The following LINGO2 variants were observed in gnomAD, a reference collection of about 807,000 sequenced individuals.
The protein encoded by LINGO2 is leucine-rich repeat and immunoglobulin-like domain-containing nogo receptor-interacting protein 2.
Under a neutral mutation model 30.6 loss-of-function variants are expected in LINGO2, and 14 were observed. The observed-to-expected ratio is 0.46, with a 90% CI of 0.30 to 0.72. LINGO2 has a LOEUF of 0.72. LINGO2 is among the 30% of genes least tolerant of loss of function. The pLI is 0.07. For missense variants in LINGO2, 729 were observed against 751.7 expected (o/e 0.97, Z 0.35); for synonymous variants, 317 against 288.5 (o/e 1.10, Z -1.00).
the LINGO2 span, among the ~76,000 whole-genome samples, chr9:29,095,879 G>A: frequency 7.2e-6 from 1 of 138,546 alleles, no homozygotes; most frequent in Non-Finnish European, 1.6e-5. Flanking sequence ...TAGTAACTAA[G>A]TAAGAACTGC....
chr9:28,850,427 T>C, the LINGO2 span, among the ~76,000 whole-genome samples: 3 of 151,938 alleles, frequency 2.0e-5, no homozygotes, highest in Non-Finnish European at 4.4e-5. Context: ...TATGCATTGA[T>C]TATTTGGCAA....
chr9:28,649,745 G>T (rs976762265), intron 1 of LINGO2, among the ~76,000 whole-genome samples: 2 of 151,974 alleles, frequency 1.3e-5, no homozygotes, highest in Admixed American at 1.3e-4. Flanking sequence ...TGGGAATGGG[G>T]GGAGGAGAAA....
intron 4 of LINGO2, among the ~76,000 whole-genome samples, chr9:28,281,182 G>A (rs1156552908): frequency 6.6e-6 from 1 of 152,022 alleles, no homozygotes; most frequent in African/African-American, 2.4e-5. Context: ...GACCCCTAAA[G>A]CACACTGTAA....
At chr9:28,280,614 G>C (rs898089369) in intron 4 of LINGO2, among the ~76,000 whole-genome samples, 4 of 152,086 alleles carry the variant, frequency 2.6e-5, no homozygotes, top group Admixed American at 2.6e-4. Flanking sequence ...GAAGATTTGG[G>C]GTAGAGGTAA....
the LINGO2 span, among the ~76,000 whole-genome samples, chr9:29,152,378 C>T: frequency 2.0e-5 from 3 of 152,234 alleles, no homozygotes; most frequent in Admixed American, 1.3e-4. Flanking sequence ...CATTGCAGCA[C>T]TATTCACAAT....
At chr9:28,691,668 G>C in the LINGO2 span, among the ~76,000 whole-genome samples, 1 of 151,882 alleles carries the variant, frequency 6.6e-6, no homozygotes, top group Non-Finnish European at 1.5e-5. Context: ...TGAGAATCTT[G>C]GATAACTTGT....
the LINGO2 span, among the ~76,000 whole-genome samples, chr9:29,075,646 G>A: frequency 1.3e-5 from 2 of 152,102 alleles, no homozygotes; most frequent in Admixed American, 6.6e-5. Context: ...AGAAGAATTC[G>A]CATAAGGGTA....
intron 4 of LINGO2, among the ~76,000 whole-genome samples, chr9:28,054,068 A>AC (rs1222808906): frequency 6.6e-6 from 1 of 151,952 alleles, no homozygotes; most frequent in African/African-American, 2.4e-5. Context: ...AGCAGACAAA[A>AC]AAAAAGAGAA....
chr9:28,048,817 G>A (rs914268684), intron 4 of LINGO2, among the ~76,000 whole-genome samples: 1 of 150,348 alleles, frequency 6.7e-6, no homozygotes, highest in African/African-American at 2.5e-5. Context: ...TACCACAATC[G>A]ATGAAAATAG....
In LINGO2 at chr9:28,148,765, A is replaced by G. The variant is rs1827892257; in HGVS notation, c.-86-136360T>C. The G allele has an allele frequency of 6.5e-7, 1 of 1,533,924 alleles. No individual in the cohort carries two copies. Among genetic ancestry groups the G allele is most frequent in the Non-Finnish European group, 8.7e-7 (1 of 1,146,626 alleles). ...TTGGGAAGCCTGACCCACTTCCAACAGTGCTCCCTGCCCCAGTTCCAGGCT... is the reference window on the plus strand; with the variant it reads ...TTGGGAAGCCTGACCCACTTCCAACGGTGCTCCCTGCCCCAGTTCCAGGCT... On this transcript the variant is annotated intron_variant, in intron 4 of 5. Coordinates refer to ENST00000379992, the Ensembl canonical transcript of LINGO2. The surrounding 1 kb of genome is among the most constrained non-coding windows in gnomAD (Gnocchi z 5.1).
chr9:28,378,807 T>C (rs1821228846), intron 2 of LINGO2, among the ~76,000 whole-genome samples: 2 of 152,154 alleles, frequency 1.3e-5, no homozygotes, highest in Non-Finnish European at 2.9e-5. Context: ...CTTTGACTTA[T>C]AATGCAAGTA....
At chr9:29,025,717 A>G in the LINGO2 span, among the ~76,000 whole-genome samples, 1 of 152,176 alleles carries the variant, frequency 6.6e-6, no homozygotes, top group South Asian at 2.1e-4. Flanking sequence ...ATTATTAACC[A>G]TAGTCACCAT....
chr9:29,003,482 G>C, the LINGO2 span, among the ~76,000 whole-genome samples: 1 of 151,876 alleles, frequency 6.6e-6, no homozygotes, highest in Non-Finnish European at 1.5e-5. Flanking sequence ...GGACTGAATG[G>C]GGGAGAGCAA....
chr9:28,725,247 A>G, the LINGO2 span, among the ~76,000 whole-genome samples: 5 of 152,076 alleles, frequency 3.3e-5, no homozygotes, highest in Non-Finnish European at 7.4e-5. Context: ...AGAAAGATAA[A>G]TAGAGATAAA....
At chr9:28,358,472 A>T (rs1282715274) in intron 3 of LINGO2, among the ~76,000 whole-genome samples, 1 of 152,136 alleles carries the variant, frequency 6.6e-6, no homozygotes, top group Non-Finnish European at 1.5e-5. Context: ...TGTGCTGAAG[A>T]TATGATGAAC....
At chr9:28,851,854 G>T in the LINGO2 span, among the ~76,000 whole-genome samples, 2 of 150,906 alleles carry the variant, frequency 1.3e-5, no homozygotes, top group African/African-American at 4.9e-5. Context: ...TATTTGCACT[G>T]AATTAATAAT....
At chr9:28,972,890 T>A in the LINGO2 span, among the ~76,000 whole-genome samples, 1 of 152,144 alleles carries the variant, frequency 6.6e-6, no homozygotes, top group African/African-American at 2.4e-5. Context: ...CCCCTGTGAT[T>A]CAGTTACCTC....
the LINGO2 span, among the ~76,000 whole-genome samples, chr9:28,872,177 G>A: frequency 6.6e-6 from 1 of 151,908 alleles, no homozygotes; most frequent in Non-Finnish European, 1.5e-5. Context: ...GCAAAATGAT[G>A]GGCATGATAA....
the LINGO2 span, chr9:28,888,904 A>G: frequency 1.9e-6 from 1 of 534,216 alleles, no homozygotes. Flanking sequence ...GGAACTCATC[A>G]GTCTCCTGTT....
Sources: gnomAD v4.1 joint callset for allele counts (sites outside exome capture counted in the v4.1 genomes callset) on GRCh38, gnomAD v4.1.1 for gene constraint, Gnocchi (gnomAD v3.1) non-coding constraint, MANE v1.5 for transcripts, NCBI Gene and HGNC (gene_info 2026-07-23, HGNC 2026-07-21) for gene names.